Variants in PPM1E observed in about 807,000 individuals in gnomAD.
The protein encoded by PPM1E is protein phosphatase, Mg2+/Mn2+ dependent 1E, also known as protein phosphatase 1E.
Under a neutral mutation model 65.9 loss-of-function variants are expected in PPM1E, and 20 were observed. The ratio of observed to expected loss-of-function variants is 0.30; its 90% CI spans 0.21 to 0.44. PPM1E has a LOEUF of 0.44. Ranked by LOEUF, PPM1E falls within the 20% of genes least tolerant of loss-of-function variation. PPM1E has a pLI of 1.00. For missense variants in PPM1E, 713 were observed against 953.1 expected (o/e 0.75, Z 3.32); for synonymous variants, 352 against 374.9 (o/e 0.94, Z 0.70).
At chr17:58,924,960 CTTCA>C (rs1483900151) in intron 1 of PPM1E, among the ~76,000 whole-genome samples, 1 of 152,052 alleles carries the variant, frequency 6.6e-6, no homozygotes, top group Admixed American at 6.5e-5. Context: ...ACCACATTTT[CTTCA>C]TTTAGTCTAT....
chr17:58,901,471 C>G (rs571426671), intron 1 of PPM1E, among the ~76,000 whole-genome samples: 1 of 151,866 alleles, frequency 6.6e-6, no homozygotes, highest in African/African-American at 2.4e-5. Flanking sequence ...GTCAGGAGTT[C>G]GAGACCAGCC....
chr17:58,978,066 A>G lies in PPM1E; in HGVS notation c.1211-1908A>G, dbSNP rs182062571. Among the ~76,000 whole-genome samples, 14 of 152,326 alleles carry G rather than the reference A, an allele frequency of 9.2e-5. No homozygotes were observed. The East Asian group carries it at 2.5e-3, about 27-fold the overall frequency. On this transcript the variant is annotated intron_variant, in intron 6 of 6. Coordinates refer to ENST00000308249, the MANE Select transcript of PPM1E (RefSeq NM_014906.5). ...TTGTGTCAAAGAGAACCTATAACAG[A>G]TACTAGAAATAATGAATATATAGTC...
At chr17:58,806,959 C>T (rs749575259) in intron 1 of PPM1E, among the ~76,000 whole-genome samples, 139 of 151,954 alleles carry the variant, frequency 9.1e-4, no homozygotes, top group Admixed American at 4.7e-3. Flanking sequence ...CCTGCCTCAG[C>T]CCCCCAAAGG....
chr17:58,764,959 A>G (rs974857462), intron 1 of PPM1E, among the ~76,000 whole-genome samples: 1 of 151,510 alleles, frequency 6.6e-6, no homozygotes, highest in African/African-American at 2.4e-5. Context: ...CTTTATTATT[A>G]TTTTCCTTTT....
At chr17:58,954,399 A>G (rs2143641045) in intron 1 of PPM1E, among the ~76,000 whole-genome samples, 1 of 152,348 alleles carries the variant, frequency 6.6e-6, no homozygotes, top group South Asian at 2.1e-4. Flanking sequence ...TGTCTTGGTC[A>G]TAATCTTCTG....
At chr17:58,930,177 C>T (rs2051873690) in intron 1 of PPM1E, among the ~76,000 whole-genome samples, 1 of 151,748 alleles carries the variant, frequency 6.6e-6, no homozygotes, top group Non-Finnish European at 1.5e-5. Flanking sequence ...AAGTGGATCA[C>T]TTAAGTCCAG....
intron 1 of PPM1E, among the ~76,000 whole-genome samples, chr17:58,910,405 C>T (rs1230429832): frequency 6.6e-6 from 1 of 152,082 alleles, no homozygotes; most frequent in Non-Finnish European, 1.5e-5. Context: ...TGCATGTTGT[C>T]TACGTTATCC....
intron 1 of PPM1E, among the ~76,000 whole-genome samples, chr17:58,824,197 A>G (rs889990498): frequency 1.3e-5 from 2 of 152,224 alleles, no homozygotes; most frequent in South Asian, 2.1e-4. Context: ...GAAAATGTAC[A>G]TAACAATTAT....
intron 1 of PPM1E, among the ~76,000 whole-genome samples, chr17:58,880,000 A>G (rs867745813): frequency 3.9e-5 from 6 of 152,318 alleles, no homozygotes; most frequent in African/African-American, 1.2e-4. Context: ...TTCACACGGC[A>G]TGGGAGCCCT....
At chr17:58,769,217 A>G (rs929888206) in intron 1 of PPM1E, among the ~76,000 whole-genome samples, 1 of 152,066 alleles carries the variant, frequency 6.6e-6, no homozygotes, top group African/African-American at 2.4e-5. Flanking sequence ...CCTATTTTCT[A>G]TATAATTTTA....
At position 58,981,115 on chromosome 17, in the gene PPM1E, A is replaced by G. The variant is rs2031335125; in HGVS notation, c.*84A>G. On this transcript the variant is annotated 3_prime_UTR_variant, in exon 7 of 7. Coordinates refer to ENST00000308249, the MANE Select transcript of PPM1E (RefSeq NM_014906.5). ...GAAACAAGGTAGACATTTCTAAAAC[A>G]TATGTGCTTCATTATGAATCCATGG... 8.4e-6 allele frequency: 8 copies of G among 954,698 alleles called. No individual in the cohort carries two copies. The Admixed American group carries it at 1.3e-4, about 16-fold the overall frequency. The allele number at this position is 954,698 out of a possible 1,614,324, so 59.1% of individuals were successfully genotyped here.
At chr17:58,897,309 G>T (rs551057826) in intron 1 of PPM1E, among the ~76,000 whole-genome samples, 1 of 152,074 alleles carries the variant, frequency 6.6e-6, no homozygotes, top group Non-Finnish European at 1.5e-5. Context: ...AGCTACTTGG[G>T]AGGCTGAGGC....
At chr17:58,866,894 A>G (rs578250702) in intron 1 of PPM1E, among the ~76,000 whole-genome samples, 1 of 152,368 alleles carries the variant, frequency 6.6e-6, no homozygotes, top group South Asian at 2.1e-4. Flanking sequence ...AGATTTCTTC[A>G]TTTGATATCA....
At chr17:58,965,075 C>T (rs529356166) in intron 2 of PPM1E, among the ~76,000 whole-genome samples, 67 of 146,786 alleles carry the variant, frequency 4.6e-4, no homozygotes, top group East Asian at 1.4e-3. Context: ...TATATATATA[C>T]ACACACACAC....
chr17:58,980,208 C>T lies in PPM1E; in HGVS notation c.1445C>T (p.Thr482Met). 2 of 1,614,026 alleles carry T rather than the reference C, an allele frequency of 1.2e-6. No individual in the cohort carries two copies. Among genetic ancestry groups the T allele is most frequent in the Non-Finnish European group, 1.7e-6 (2 of 1,179,992 alleles). ...ARDAGSSDNI[T>M]VIVVFLRDMN... ...GATGCTGGGTCAAGTGATAACATCA[C>T]GGTTATTGTGGTATTCCTGAGGGAC... The change falls in exon 7 of 7, where the codon ACG (threonine) becomes ATG (methionine). Residue 482 changes from threonine (T) to methionine (M), a missense_variant. Thr to Met is a moderately conservative substitution (Grantham distance 81). Transcript: ENST00000308249. The surrounding 1 kb of genome is among the most constrained non-coding windows in gnomAD (Gnocchi z 4.7).
chr17:58,980,304 A>G lies in PPM1E; in HGVS notation c.1541A>G (p.Asp514Gly). The G allele has an allele frequency of 6.2e-7, 1 of 1,614,126 alleles. No homozygotes were observed. Among genetic ancestry groups the G allele is most frequent in the African/African-American group, 1.3e-5 (1 of 75,050 alleles). ...TENSFQGGQE[D>G]GGDDKENHGE... ...AACTCTTTTCAAGGAGGGCAAGAAGATGGTGGGGATGATAAGGAGAATCAT... is the reference window on the plus strand; with the variant it reads ...AACTCTTTTCAAGGAGGGCAAGAAGGTGGTGGGGATGATAAGGAGAATCAT... Residue 514 changes from aspartate to glycine, a missense_variant, in exon 7 of 7, where the codon GAT becomes GGT. Transcript: ENST00000308249. The surrounding 1 kb of genome is among the most constrained non-coding windows in gnomAD (Gnocchi z 4.7).
At chr17:58,770,795 A>C (rs986403426) in intron 1 of PPM1E, among the ~76,000 whole-genome samples, 2 of 152,096 alleles carry the variant, frequency 1.3e-5, no homozygotes, top group African/African-American at 4.8e-5. Context: ...GATTTTAATT[A>C]ATTAAGCTTT....
rs183754814 is a variant in PPM1E, at chr17:58,904,978, C to T, written c.465-50671C>T. On this transcript the variant is annotated intron_variant, in intron 1 of 6. Transcript: ENST00000308249. ...GGCGGAGGTTTTGGTGAGCCGAGGT[C>T]GTGCCATTGCACTCCAGCCTGGGCA... 4.1e-4 allele frequency among the ~76,000 whole-genome samples: 62 copies of T among 151,938 alleles called. 1 individual carries two copies. The East Asian group carries it at 0.011, about 26-fold the overall frequency.
At chr17:58,763,411 A>G (rs1305153563) in intron 1 of PPM1E, among the ~76,000 whole-genome samples, 1 of 152,136 alleles carries the variant, frequency 6.6e-6, no homozygotes, top group African/African-American at 2.4e-5. Context: ...TTCAAGTCAT[A>G]TGACACCACC....
Sources: allele counts gnomAD v4.1 joint callset (sites outside exome capture counted in the v4.1 genomes callset), GRCh38; gene constraint gnomAD v4.1.1; non-coding constraint Gnocchi (gnomAD v3.1); transcripts MANE v1.5; gene names NCBI Gene and HGNC (gene_info 2026-07-23, HGNC 2026-07-21).